The following CXCL17 variants were observed in gnomAD, a reference collection of about 807,000 sequenced individuals.
CXCL17 encodes C-X-C motif chemokine ligand 17.
In CXCL17, 9 loss-of-function variants were observed where a neutral mutation model predicts 15.5. That is an observed-to-expected ratio of 0.58 (90% CI 0.35 to 1.01). The LOEUF (loss-of-function observed/expected upper bound fraction) is 1.01. Ranked by LOEUF, CXCL17 falls within the 50% of genes least tolerant of loss-of-function variation. The probability of loss-of-function intolerance (pLI) is 0.02; values close to 1 mark genes in which losing one functional copy is unlikely to be tolerated. For missense variants in CXCL17, 133 were observed against 138.2 expected (o/e 0.96, Z 0.19); for synonymous variants, 52 against 52.3 (o/e 0.99, Z 0.02).
At chr19:42,435,110 C>T (rs1215391975) in intron 1 of CXCL17, among the ~76,000 whole-genome samples, 4 of 150,750 alleles carry the variant, frequency 2.7e-5, no homozygotes, top group Non-Finnish European at 4.4e-5. Context: ...CCCCAGGAGG[C>T]GGAAGTTGCA....
At chr19:42,431,433 T>G (rs947222088) in intron 3 of CXCL17, among the ~76,000 whole-genome samples, 3 of 152,216 alleles carry the variant, frequency 2.0e-5, no homozygotes, top group Admixed American at 6.5e-5. Flanking sequence ...GAAGTCAGAT[T>G]TATTTACTCT....
chr19:42,436,147 A>C lies in CXCL17; in HGVS notation c.80-2291T>G, dbSNP rs565172975. ...ACGTGGTTCCTAACACATGGTAGGC[A>C]TTTGGCAAATGTTTGTTCAACACGT... On this transcript the variant is annotated intron_variant, in intron 1 of 3. Transcript: ENST00000601181. Among the ~76,000 whole-genome samples, 22 of 149,202 alleles carry C rather than the reference A, an allele frequency of 1.5e-4. No homozygotes were observed. In the South Asian group the frequency reaches 4.6e-3, roughly 31 times the overall value.
In CXCL17 at chr19:42,438,354, C is replaced by CAAAA. The variant is rs34157586; in HGVS notation, c.79+4396_79+4399dup. 4.7e-3 allele frequency among the ~76,000 whole-genome samples: 82 copies of CAAAA among 17,470 alleles called. 2 individuals are homozygous for CAAAA. The highest frequency in any genetic ancestry group is 5.9e-3 in the Non-Finnish European group (74 of 12,458). 11.5% of individuals were successfully genotyped at this position (17,470 alleles called of 152,430 possible). On this transcript the variant is annotated intron_variant, in intron 1 of 3. Transcript: ENST00000601181. ...GCCTGGGCGACAAGAGACTCTGTCT[C>CAAAA]AAAAAAAAAAAAAAAAAAAAAAAAA...
intron 2 of CXCL17, among the ~76,000 whole-genome samples, chr19:42,433,319 G>C (rs1199679448): frequency 6.6e-6 from 1 of 152,164 alleles, no homozygotes; most frequent in African/African-American, 2.4e-5. Context: ...TGGCAGGTTT[G>C]GAGGGTGCAT....
chr19:42,432,789 A>G (rs2147693843), intron 3 of CXCL17, among the ~76,000 whole-genome samples, 187 bp downstream of exon 3: 1 of 152,368 alleles, frequency 6.6e-6, no homozygotes, highest in Admixed American at 6.5e-5. Flanking sequence ...TTCCAGTATC[A>G]GGAAAATTGT....
intron 1 of CXCL17, among the ~76,000 whole-genome samples, chr19:42,435,698 C>T (rs1276745106): frequency 5.3e-5 from 8 of 151,894 alleles, no homozygotes; most frequent in African/African-American, 1.9e-4. Flanking sequence ...GGCATGGTGG[C>T]GCGTGCCTGT....
At chr19:42,432,917 T>C (rs2040797423) in intron 3 of CXCL17, 59 bp downstream of exon 3, 1 of 1,275,020 alleles carries the variant, frequency 7.8e-7, no homozygotes, top group East Asian at 2.3e-5. Context: ...ACGTGCTTCT[T>C]CCCTAGTGAT....
chr19:42,442,380 C>T (rs2040902683), intron 1 of CXCL17, among the ~76,000 whole-genome samples: 7 of 151,790 alleles, frequency 4.6e-5, no homozygotes, highest in Admixed American at 4.6e-4. Flanking sequence ...ACTACAGGTG[C>T]GTGCCACCAG....
intron 1 of CXCL17, among the ~76,000 whole-genome samples, chr19:42,437,266 T>G (rs1384256960): frequency 6.6e-6 from 1 of 152,206 alleles, no homozygotes; most frequent in Non-Finnish European, 1.5e-5. Flanking sequence ...AACAAATTTA[T>G]TTTGCAAAAC....
rs775733160 is a variant in CXCL17, at chr19:42,428,997, AG to A, written c.263-17del. ...CTTTGGTGTCCTAGGGTGCAAATAA[AG>A]GGGAGAGGCTAGTGTTAAAACCATT... On this transcript the variant is annotated splice_polypyrimidine_tract_variant and intron_variant, in intron 3 of 3. Transcript: ENST00000601181. 23 of 1,592,272 alleles carry A rather than the reference AG, an allele frequency of 1.4e-5. No individual in the cohort carries two copies. Among genetic ancestry groups the A allele is most frequent in the Non-Finnish European group, 1.9e-5 (22 of 1,160,474 alleles).
At chr19:42,430,093 G>C (rs2040762451) in intron 3 of CXCL17, among the ~76,000 whole-genome samples, 1 of 152,048 alleles carries the variant, frequency 6.6e-6, no homozygotes, top group African/African-American at 2.4e-5. Flanking sequence ...TTTCAGCCCA[G>C]GAGGTGAGCC....
intron 1 of CXCL17, among the ~76,000 whole-genome samples, chr19:42,439,452 G>A (rs557627170): frequency 2.0e-5 from 3 of 146,806 alleles, no homozygotes; most frequent in East Asian, 3.9e-4. Context: ...GCCATAACTG[G>A]TGAATAACAA....
chr19:42,439,974 GT>G (rs1428581376), intron 1 of CXCL17, among the ~76,000 whole-genome samples: 2 of 152,144 alleles, frequency 1.3e-5, no homozygotes, highest in African/African-American at 2.4e-5. Context: ...TAATCTCCTG[GT>G]TTTGATAATT....
chr19:42,435,164 G>A (rs1026305532), intron 1 of CXCL17, among the ~76,000 whole-genome samples: 3 of 148,142 alleles, frequency 2.0e-5, no homozygotes, highest in African/African-American at 7.7e-5. Flanking sequence ...GGGCGACAGA[G>A]CGAGACACGG....
At position 42,432,141 on chromosome 19, in the gene CXCL17, G is replaced by GTTTTTT. The variant is rs370344388; in HGVS notation, c.262+829_262+834dup. Among the ~76,000 whole-genome samples the GTTTTTT allele has an allele frequency of 3.4e-3, 373 of 108,586 alleles. 28 individuals are homozygous for GTTTTTT. Among genetic ancestry groups the GTTTTTT allele is most frequent in the African/African-American group, 0.012 (332 of 27,218 alleles). 71.2% of individuals were successfully genotyped at this position (108,586 alleles called of 152,430 possible). On this transcript the variant is annotated intron_variant, in intron 3 of 3. Transcript: ENST00000601181. Reference sequence around the variant, plus strand: ...AATCAGTTTAACATTTGCCAATTTAGTTTTTTTTTTTTTTTTTTTTTGAGG... The same window carrying GTTTTTT: ...AATCAGTTTAACATTTGCCAATTTAGTTTTTTTTTTTTTTTTTTTTTTTTTTTGAGG...
In CXCL17 at chr19:42,433,773, G is replaced by T. The variant is rs2040806974; in HGVS notation, c.160+3C>A. 5.6e-6 allele frequency: 9 copies of T among 1,613,192 alleles called. No individual in the cohort carries two copies. Among genetic ancestry groups the T allele is most frequent in the South Asian group, 1.1e-5 (1 of 91,050 alleles). On this transcript the variant is annotated splice_donor_region_variant and intron_variant, in intron 2 of 3. Transcript: ENST00000601181. ...TCGCTGTTGTTGTTGCTGAATTACT[G>T]ACCTTTGCACTCACATTCTTGGCCG...
intron 1 of CXCL17, among the ~76,000 whole-genome samples, chr19:42,435,506 C>T (rs1327295703): frequency 2.0e-5 from 3 of 151,842 alleles, no homozygotes; most frequent in African/African-American, 7.3e-5. Flanking sequence ...TTATGGTGGG[C>T]CCTACACCAG....
intron 3 of CXCL17, 141 bp from the exon 4 acceptor site, chr19:42,429,122 G>C (rs1347811921): frequency 3.3e-6 from 2 of 603,278 alleles, no homozygotes; most frequent in Non-Finnish European, 3.0e-6. Flanking sequence ...CTGCCTCCCG[G>C]GTTCAAGTGA....
intron 1 of CXCL17, among the ~76,000 whole-genome samples, chr19:42,436,960 C>T (rs940612022): frequency 2.6e-5 from 4 of 151,872 alleles, no homozygotes; most frequent in Admixed American, 2.6e-4. Flanking sequence ...TTTTTTGAGA[C>T]GGAGTCTCAC....
Sources: gnomAD v4.1 joint callset for allele counts (sites outside exome capture counted in the v4.1 genomes callset) on GRCh38, gnomAD v4.1.1 for gene constraint, MANE v1.5 for transcripts, NCBI Gene and HGNC (gene_info 2026-07-23, HGNC 2026-07-21) for gene names.